GAREM1: variants seen among roughly 807,000 people sequenced by gnomAD.
GAREM1 encodes GRB2-associated and regulator of MAPK protein 1.
A neutral mutation model predicts 71.3 loss-of-function variants in GAREM1; 26 were observed. That is an observed-to-expected ratio of 0.36 (90% confidence interval 0.27 to 0.51). The LOEUF (loss-of-function observed/expected upper bound fraction) is 0.51, where lower values mean the gene tolerates loss of function less well. Ranked by LOEUF, GAREM1 falls within the 20% of genes least tolerant of loss-of-function variation. The probability of loss-of-function intolerance (pLI) is 0.95; values close to 1 mark genes in which losing one functional copy is unlikely to be tolerated. For missense variants in GAREM1, 1,026 were observed against 1,103.1 expected, an observed-to-expected ratio of 0.93 and a Z score of 0.99; for synonymous variants, 440 against 433.2, an observed-to-expected ratio of 1.02 and a Z score of -0.20.
chr18:32,314,008 CA>C (rs907178988), intron 2 of GAREM1, among the ~76,000 whole-genome samples: 1 of 151,272 alleles, frequency 6.6e-6, no homozygotes, highest in African/African-American at 2.4e-5. Context: ...TCATATACCA[CA>C]TAGAAATATG....
chr18:32,279,532 G>C (rs1213508551), intron 4 of GAREM1, among the ~76,000 whole-genome samples: 1 of 152,130 alleles, frequency 6.6e-6, no homozygotes, highest in African/African-American at 2.4e-5. Flanking sequence ...ATCTGTCACT[G>C]TCTCCCATCA....
intron 1 of GAREM1, among the ~76,000 whole-genome samples, chr18:32,413,426 T>G (rs1372212019): frequency 1.3e-5 from 2 of 152,146 alleles, no homozygotes; most frequent in Non-Finnish European, 2.9e-5. Flanking sequence ...CCACTGAATT[T>G]TAATATTCTC....
chr18:32,278,838 T>A (rs113317638), intron 4 of GAREM1, among the ~76,000 whole-genome samples: 3 of 152,228 alleles, frequency 2.0e-5, no homozygotes, highest in African/African-American at 7.2e-5. Context: ...AAATGTGATT[T>A]ACAGTCAAAA....
chr18:32,298,153 T>C (rs1250015189), intron 3 of GAREM1, among the ~76,000 whole-genome samples: 1 of 152,176 alleles, frequency 6.6e-6, no homozygotes, highest in African/African-American at 2.4e-5. Flanking sequence ...AATAACTTAC[T>C]CCTACTCTCA....
At chr18:32,392,545 CACA>C (rs1422670932) in intron 2 of GAREM1, among the ~76,000 whole-genome samples, 3 of 152,150 alleles carry the variant, frequency 2.0e-5, no homozygotes, top group Non-Finnish European at 4.4e-5. Context: ...CAAAGTCATT[CACA>C]AAAGCAATGT....
chr18:32,309,726 G>C (rs2047295379), intron 3 of GAREM1, among the ~76,000 whole-genome samples: 1 of 149,070 alleles, frequency 6.7e-6, no homozygotes, highest in East Asian at 2.0e-4. Flanking sequence ...TAGTGAAATA[G>C]ATAGTCCACA....
At chr18:32,343,319 T>TTG (rs1318682645) in intron 2 of GAREM1, among the ~76,000 whole-genome samples, 3 of 150,188 alleles carry the variant, frequency 2.0e-5, no homozygotes, top group Non-Finnish European at 3.0e-5. Flanking sequence ...CTGTTTTTTT[T>TTG]TTTTTTTTTT....
chr18:32,284,637 C>A (rs980317939), intron 4 of GAREM1, among the ~76,000 whole-genome samples: 1 of 152,134 alleles, frequency 6.6e-6, no homozygotes, highest in Non-Finnish European at 1.5e-5. Flanking sequence ...AAAGCTCATG[C>A]AGTCATGTTT....
Position 32,470,219 on chromosome 18 carries a change from C to T in GAREM1, c.121+89G>A, listed in dbSNP as rs2049037756. The T allele has an allele frequency of 3.9e-6, 5 of 1,292,988 alleles. No individual in the cohort carries two copies. The highest frequency in any genetic ancestry group is 3.0e-6 in the Non-Finnish European group (3 of 1,014,416). The allele number at this position is 1,292,988 out of a possible 1,614,324, so 80.1% of individuals were successfully genotyped here. On this transcript the variant is annotated intron_variant, in intron 1 of 5. Coordinates refer to ENST00000269209, the MANE Select transcript of GAREM1 (RefSeq NM_001242409.2). This position sits in a 1 kb window ranked among gnomAD's most constrained non-coding sequence, Gnocchi z 4.4. ...TCAGGGGCGGGCAGCCCACTCCCCGCGGGTCCCACCCTCTCCAGCACACGC... is the reference window on the plus strand; with the variant it reads ...TCAGGGGCGGGCAGCCCACTCCCCGTGGGTCCCACCCTCTCCAGCACACGC...
intron 2 of GAREM1, among the ~76,000 whole-genome samples, chr18:32,316,241 C>T (rs915728978): frequency 6.6e-6 from 1 of 152,146 alleles, no homozygotes; most frequent in African/African-American, 2.4e-5. Context: ...CAACTGTTAA[C>T]ATTTATGCAC....
intron 3 of GAREM1, among the ~76,000 whole-genome samples, chr18:32,303,974 G>C (rs1307028930): frequency 7.2e-6 from 1 of 139,660 alleles, no homozygotes; most frequent in African/African-American, 2.6e-5. Context: ...AAAAGAAACA[G>C]AGAAAGAGGG....
Position 32,325,185 on chromosome 18 carries a change from C to T in GAREM1, c.263-14862G>A, listed in dbSNP as rs193087476. On this transcript the variant is annotated intron_variant, in intron 2 of 5. Coordinates refer to ENST00000269209, the MANE Select transcript of GAREM1 (RefSeq NM_001242409.2). ...TATTGGCCAGGTTGGTCTTGAACTC[C>T]TGACCTCGTGATCCACCTGCCTCGG... Among the ~76,000 whole-genome samples the T allele has an allele frequency of 1.4e-3, 207 of 152,276 alleles. 2 individuals are homozygous for T. Among genetic ancestry groups the T allele is most frequent in the Non-Finnish European group, 2.2e-3 (153 of 68,012 alleles).
At chr18:32,291,420 T>C (rs2047085320) in intron 3 of GAREM1, among the ~76,000 whole-genome samples, 1 of 152,070 alleles carries the variant, frequency 6.6e-6, no homozygotes, top group Non-Finnish European at 1.5e-5. Context: ...GATACCTTTC[T>C]GAGTATACCT....
At chr18:32,427,636 TTC>T (rs1375968706) in intron 1 of GAREM1, among the ~76,000 whole-genome samples, 17 of 152,228 alleles carry the variant, frequency 1.1e-4, no homozygotes, top group African/African-American at 3.9e-4. Flanking sequence ...TATCATTATA[TTC>T]TGTCACATCA....
chr18:32,364,018 ATATATATATGTTTTTTTTTT>A (rs1567980740), intron 2 of GAREM1, among the ~76,000 whole-genome samples: 2 of 48,228 alleles, frequency 4.1e-5, no homozygotes, highest in African/African-American at 3.0e-4. Context: ...ATATATATAT[ATATATATATGTTTTTTTTTT>A]TTTTTTTTTT....
intron 2 of GAREM1, among the ~76,000 whole-genome samples, chr18:32,355,121 C>A (rs1245164861): frequency 6.6e-6 from 1 of 152,018 alleles, no homozygotes; most frequent in African/African-American, 2.4e-5. Context: ...GCTGGTCAGG[C>A]CTAAACTATG....
chr18:32,276,447 A>G (rs2041543725), intron 4 of GAREM1, among the ~76,000 whole-genome samples: 1 of 152,196 alleles, frequency 6.6e-6, no homozygotes, highest in South Asian at 2.1e-4. Context: ...AACTCATGGA[A>G]TTACTTATGA....
At chr18:32,429,077 CT>C (rs2048600782) in intron 1 of GAREM1, among the ~76,000 whole-genome samples, 1 of 152,126 alleles carries the variant, frequency 6.6e-6, no homozygotes, top group African/African-American at 2.4e-5. Context: ...TGACACCTTC[CT>C]TTTATGGGGG....
intron 1 of GAREM1, among the ~76,000 whole-genome samples, chr18:32,441,075 G>C (rs950888248): frequency 6.6e-6 from 1 of 152,076 alleles, no homozygotes; most frequent in Non-Finnish European, 1.5e-5. Context: ...AAATACAGAA[G>C]TTAGTATCAT....
Sources: allele counts gnomAD v4.1 joint callset (sites outside exome capture counted in the v4.1 genomes callset), GRCh38; gene constraint gnomAD v4.1.1; non-coding constraint Gnocchi (gnomAD v3.1); transcripts MANE v1.5; gene names NCBI Gene and HGNC (gene_info 2026-07-23, HGNC 2026-07-21).